The following EHHADH variants were observed in gnomAD, a reference collection of about 807,000 sequenced individuals.
The protein encoded by EHHADH is peroxisomal bifunctional enzyme.
In EHHADH, 48 loss-of-function variants were observed where a neutral mutation model predicts 64.4. The observed-to-expected ratio is 0.75, with a 90% CI of 0.59 to 0.95. The LOEUF is 0.95. EHHADH is among the 40% of genes least tolerant of loss of function. The pLI, the probability that EHHADH is intolerant of heterozygous loss-of-function variation, is 0.00. For missense variants in EHHADH, 854 were observed against 876.6 expected, an observed-to-expected ratio of 0.97 and a Z score of 0.33; for synonymous variants, 308 against 326.7, an observed-to-expected ratio of 0.94 and a Z score of 0.62.
intron 6 of EHHADH, among the ~76,000 whole-genome samples, chr3:185,199,982 A>G (rs1260651479): frequency 6.6e-6 from 1 of 152,220 alleles, no homozygotes; most frequent in African/African-American, 2.4e-5. Context: ...CAAAGCTTAA[A>G]TATTTACCAT....
intron 5 of EHHADH, among the ~76,000 whole-genome samples, chr3:185,206,486 A>T (rs574935604): frequency 6.6e-6 from 1 of 152,256 alleles, no homozygotes; most frequent in South Asian, 2.1e-4. Flanking sequence ...AAGAAATCAG[A>T]CTTCATAAAA....
In EHHADH at chr3:185,204,547, A is replaced by T; in HGVS notation, c.779T>A (p.Leu260Ter). 1 of 1,614,218 alleles carries T rather than the reference A, an allele frequency of 6.2e-7. No homozygotes were observed. The highest frequency in any genetic ancestry group is 8.5e-7 in the Non-Finnish European group (1 of 1,180,042). Residue 260 changes from leucine (L) to a stop codon, truncating the protein, a stop_gained, in exon 6 of 7, where the codon TTG (leucine) becomes TAG (stop). Coordinates refer to ENST00000231887, the MANE Select transcript of EHHADH (RefSeq NM_001966.4). LOFTEE classifies it high-confidence loss of function. ...CAGGGCTCTAGCCTGCCCTGATTGC[A>T]AAAGATATAGAAACAGCTCCTCCTC... is the stretch of plus-strand genomic sequence containing the variant. ...KKEEELFLYL[L>*]QSGQARALQY...
intron 5 of EHHADH, among the ~76,000 whole-genome samples, chr3:185,217,834 G>C (rs529259945): frequency 1.3e-5 from 2 of 149,694 alleles, no homozygotes; most frequent in Non-Finnish European, 3.0e-5. Flanking sequence ...GCGCGATCTC[G>C]GCTCACTGCA....
chr3:185,199,192 G>A (rs541633611), intron 6 of EHHADH, among the ~76,000 whole-genome samples: 40 of 152,246 alleles, frequency 2.6e-4, no homozygotes, highest in African/African-American at 9.4e-4. Flanking sequence ...GGTCGAGGAA[G>A]GGAAAAACAT....
intron 5 of EHHADH, among the ~76,000 whole-genome samples, chr3:185,207,713 T>C (rs941041079): frequency 2.6e-5 from 4 of 152,154 alleles, no homozygotes; most frequent in African/African-American, 9.7e-5. Context: ...CAGGGAGACC[T>C]CTACAATACT....
Position 185,193,271 on chromosome 3 carries a change from T to G in EHHADH, c.1127A>C (p.Asp376Ala). ...CTCAAATACTGCTTCAATGACTAAA[T>G]CTACACCACCAAGCTCCTTCACAGA... ...TSSVKELGGV[D>A]LVIEAVFEEM... The change falls in exon 7 of 7, where the codon GAT (aspartate) becomes GCT (alanine). Residue 376 changes from aspartate to alanine, a missense_variant. By Grantham distance (126) the Asp-to-Ala change is moderately radical. Transcript: ENST00000231887. 1 of 1,603,622 alleles carries G rather than the reference T, an allele frequency of 6.2e-7. No homozygotes were observed. Among genetic ancestry groups the G allele is most frequent in the African/African-American group, 1.3e-5 (1 of 74,576 alleles).
At chr3:185,227,259 G>A (rs1352399704) in intron 4 of EHHADH, among the ~76,000 whole-genome samples, 5 of 152,172 alleles carry the variant, frequency 3.3e-5, no homozygotes, top group African/African-American at 9.7e-5. Context: ...CTGGCTGGGC[G>A]CAGCAGCTCA....
chr3:185,193,426 A>G lies in EHHADH; in HGVS notation c.972T>C (p.Ile324=). 1 of 1,614,200 alleles carries G rather than the reference A, an allele frequency of 6.2e-7. No individual in the cohort carries two copies. Among genetic ancestry groups the G allele is most frequent in the Non-Finnish European group, 8.5e-7 (1 of 1,180,028 alleles). Residue 324 remains isoleucine (I), a synonymous_variant, in exon 7 of 7, where the codon ATT becomes ATC. Coordinates refer to ENST00000231887, the MANE Select transcript of EHHADH (RefSeq NM_001966.4). ...GCTGGTTTTTGTCCGAGTCTACAGC[A>G]ATCACAGGAATCCTGGCCCTTGCAA... ...ISFARARIPV[I]AVDSDKNQLA... is the part of the protein sequence containing the mutation.
At position 185,190,922 on chromosome 3, in the gene EHHADH, T is replaced by C. The variant is rs749944368; in HGVS notation, c.*1304A>G. ...AGCCCCATTTATTTACTAACAACTTTATTGAGATATAATTCACATACCATA... is the reference window on the plus strand; with the variant it reads ...AGCCCCATTTATTTACTAACAACTTCATTGAGATATAATTCACATACCATA... On this transcript the variant is annotated 3_prime_UTR_variant, in exon 7 of 7. Transcript: ENST00000231887. 2.6e-5 allele frequency: 4 copies of C among 152,242 alleles called. No homozygotes were observed. The highest frequency in any genetic ancestry group is 5.9e-5 in the Non-Finnish European group (4 of 68,046). The allele number at this position is 152,242 out of a possible 1,614,324, so 9.4% of individuals were successfully genotyped here.
At chr3:185,240,172 T>C (rs1719408186) in intron 2 of EHHADH, among the ~76,000 whole-genome samples, 1 of 152,136 alleles carries the variant, frequency 6.6e-6, no homozygotes, top group Admixed American at 6.6e-5. Context: ...GACAGTATTT[T>C]GCTGATGATT....
intron 2 of EHHADH, among the ~76,000 whole-genome samples, chr3:185,244,887 G>A (rs1425149233): frequency 6.6e-6 from 1 of 152,180 alleles, no homozygotes; most frequent in Non-Finnish European, 1.5e-5. Flanking sequence ...TTGGTTTGTG[G>A]CAATTTGTTA....
At chr3:185,239,455 A>G (rs1449329530) in intron 2 of EHHADH, among the ~76,000 whole-genome samples, 4 of 151,958 alleles carry the variant, frequency 2.6e-5, no homozygotes, top group Non-Finnish European at 4.4e-5. Context: ...TCTATCATTT[A>G]TTTCATCAGT....
At chr3:185,237,560 C>A (rs948855735) in intron 2 of EHHADH, among the ~76,000 whole-genome samples, 1 of 152,118 alleles carries the variant, frequency 6.6e-6, no homozygotes, top group Non-Finnish European at 1.5e-5. Context: ...AAGAATGTTT[C>A]TTCTTAATGC....
At chr3:185,232,787 C>A (rs888998344) in intron 3 of EHHADH, among the ~76,000 whole-genome samples, 3 of 152,202 alleles carry the variant, frequency 2.0e-5, no homozygotes, top group African/African-American at 7.2e-5. Context: ...AGAAGAGTAA[C>A]ATGATTTCTC....
chr3:185,224,357 C>T (rs1448605828), intron 4 of EHHADH, among the ~76,000 whole-genome samples: 2 of 151,330 alleles, frequency 1.3e-5, no homozygotes, highest in Non-Finnish European at 2.9e-5. Context: ...AAAAATTAGC[C>T]GGGTGTGGTG....
Position 185,204,740 on chromosome 3 carries a change from G to C in EHHADH, c.586C>G (p.Arg196Gly), listed in dbSNP as rs202051821. Reference protein sequence around the residue: ...QRVSDQPLESRRLCNKPIQSL... With the variant: ...QRVSDQPLESGRLCNKPIQSL... ...TGAATTGGCTTGTTGCAGAGTCTAC[G>C]GGATTCTAGAGGTTGATCTGAAAGG... Residue 196 changes from arginine to glycine, a missense_variant, in exon 6 of 7, where the codon CGT (arginine) becomes GGT (glycine). Transcript: ENST00000231887. 9 of 1,607,608 alleles carry C rather than the reference G, an allele frequency of 5.6e-6. No homozygotes were observed. Among genetic ancestry groups the C allele is most frequent in the Non-Finnish European group, 7.7e-6 (9 of 1,175,130 alleles).
rs1330263864 is a variant in EHHADH at position 185,253,938 on chromosome 3, G to A, written c.74+11C>T. The stretch of plus-strand genomic sequence containing the variant: ...CACGGTCCCCGGGCTGGAGGCGACC[G>A]AGCCCGTTACCTGATCGCGTTGACC... On this transcript the variant is annotated intron_variant, in intron 1 of 6. Transcript: ENST00000231887. The A allele has an allele frequency of 9.9e-6, 16 of 1,614,036 alleles. 1 individual carries two copies. Among genetic ancestry groups the A allele is most frequent in the Middle Eastern group, 3.3e-4 (2 of 6,052 alleles).
chr3:185,193,522 T>A, intron 6 of EHHADH, 35 bp from the exon 7 acceptor site: 1 of 1,605,474 alleles, frequency 6.2e-7, no homozygotes, highest in Non-Finnish European at 8.5e-7. Context: ...AAAGAATGAT[T>A]CAGTGGTATT....
At chr3:185,203,282 G>A (rs1718282234) in intron 6 of EHHADH, among the ~76,000 whole-genome samples, 2 of 151,800 alleles carry the variant, frequency 1.3e-5, no homozygotes, top group African/African-American at 2.4e-5. Context: ...ATAGTAAAAC[G>A]TTAACATTTG....
Sources: allele counts gnomAD v4.1 joint callset (sites outside exome capture counted in the v4.1 genomes callset), GRCh38; gene constraint gnomAD v4.1.1; transcripts MANE v1.5; gene names NCBI Gene and HGNC (gene_info 2026-07-23, HGNC 2026-07-21).